The following DPP10 variants were observed in gnomAD, a reference collection of about 807,000 sequenced individuals.
DPP10 encodes the protein inactive dipeptidyl peptidase 10.
Under a neutral mutation model 120.9 loss-of-function variants are expected in DPP10, and 33 were observed. The observed-to-expected ratio is 0.27, with a 90% CI of 0.21 to 0.37. The LOEUF (loss-of-function observed/expected upper bound fraction) is 0.37. Ranked by LOEUF, DPP10 falls within the 10% of genes least tolerant of loss-of-function variation. DPP10 has a pLI of 1.00. For synonymous variants in DPP10, 337 were observed against 326.1 expected, an observed-to-expected ratio of 1.03 and a Z score of -0.36; for missense variants, 816 against 942.8, an observed-to-expected ratio of 0.87 and a Z score of 1.76.
intron 1 of DPP10, among the ~76,000 whole-genome samples, chr2:114,610,365 T>C (rs1322959777): frequency 1.3e-5 from 2 of 152,118 alleles, no homozygotes; most frequent in Admixed American, 6.6e-5. Context: ...GGGGAACGGA[T>C]ATCCTAATGT....
intron 1 of DPP10, among the ~76,000 whole-genome samples, chr2:114,456,762 G>T (rs556657100): frequency 6.6e-6 from 1 of 152,156 alleles, no homozygotes; most frequent in Admixed American, 6.5e-5. Context: ...ATTTTTCCCA[G>T]TAATTAAAAT....
intron 1 of DPP10, among the ~76,000 whole-genome samples, chr2:115,101,803 CAT>C (rs1029873936): frequency 1.2e-4 from 18 of 152,224 alleles, no homozygotes; most frequent in African/African-American, 4.1e-4. Context: ...CTAGGCCACA[CAT>C]GTTTTTCCAA....
chr2:114,703,695 C>T (rs1372980585), intron 1 of DPP10, among the ~76,000 whole-genome samples: 2 of 152,076 alleles, frequency 1.3e-5, no homozygotes, highest in African/African-American at 4.8e-5. Context: ...GATAAGTATA[C>T]CAAATCTGAA....
chr2:114,844,200 C>T (rs1190613179), intron 1 of DPP10, among the ~76,000 whole-genome samples: 1 of 152,070 alleles, frequency 6.6e-6, no homozygotes, highest in Non-Finnish European at 1.5e-5. Flanking sequence ...CCCTGGTATT[C>T]TGTGCACAAT....
chr2:115,497,953 A>C (rs2148779496), intron 3 of DPP10, among the ~76,000 whole-genome samples: 1 of 152,260 alleles, frequency 6.6e-6, no homozygotes, highest in South Asian at 2.1e-4. Flanking sequence ...TAATGATAAA[A>C]AAAAAAGAAC....
At chr2:115,802,068 T>C (rs1685312661) in intron 19 of DPP10, among the ~76,000 whole-genome samples, 1 of 152,118 alleles carries the variant, frequency 6.6e-6, no homozygotes, top group Non-Finnish European at 1.5e-5. Context: ...GGTCCTGGAC[T>C]TTTTTTGGTT....
At chr2:114,513,605 A>G (rs535412213) in intron 1 of DPP10, among the ~76,000 whole-genome samples, 40 of 147,368 alleles carry the variant, frequency 2.7e-4, no homozygotes, top group African/African-American at 1.0e-3. Context: ...AAAACAGAAG[A>G]AAGGAAGGAA....
At chr2:115,813,384 A>G (rs1399225331) in intron 19 of DPP10, among the ~76,000 whole-genome samples, 2 of 152,144 alleles carry the variant, frequency 1.3e-5, no homozygotes, top group Non-Finnish European at 2.9e-5. Flanking sequence ...TTCATATGGT[A>G]GTCCCACTGT....
intron 8 of DPP10, 96 bp downstream of exon 8, chr2:115,728,032 A>G: frequency 7.3e-7 from 1 of 1,366,300 alleles, no homozygotes; most frequent in South Asian, 1.4e-5. Context: ...CAATACTTAC[A>G]GTACAGTTTC....
intron 1 of DPP10, among the ~76,000 whole-genome samples, chr2:114,537,320 C>G (rs1686585787): frequency 6.6e-6 from 1 of 151,874 alleles, no homozygotes; most frequent in Non-Finnish European, 1.5e-5. Flanking sequence ...AAACCGATTA[C>G]AGAGATAAAA....
At chr2:115,639,994 G>T (rs1288765879) in intron 5 of DPP10, among the ~76,000 whole-genome samples, 2 of 150,568 alleles carry the variant, frequency 1.3e-5, no homozygotes, top group Admixed American at 1.3e-4. Flanking sequence ...ATAAAATTCA[G>T]GCTGGAGATG....
chr2:114,662,187 G>C (rs1038398070), intron 1 of DPP10, among the ~76,000 whole-genome samples: 2 of 152,164 alleles, frequency 1.3e-5, no homozygotes, highest in Non-Finnish European at 2.9e-5. Context: ...TGGAGGCTCC[G>C]AGGGGGAGCG....
intron 1 of DPP10, among the ~76,000 whole-genome samples, chr2:114,951,326 T>A (rs2104644190): frequency 6.6e-6 from 1 of 152,338 alleles, no homozygotes; most frequent in East Asian, 1.9e-4. Context: ...TTATTATATT[T>A]GGTTCTTGTA....
At chr2:114,910,608 G>C (rs1281978976) in intron 1 of DPP10, among the ~76,000 whole-genome samples, 1 of 151,802 alleles carries the variant, frequency 6.6e-6, no homozygotes, top group Non-Finnish European at 1.5e-5. Context: ...GCCTTATTTT[G>C]TGCCTAGAAC....
intron 5 of DPP10, among the ~76,000 whole-genome samples, chr2:115,683,680 A>G (rs530736607): frequency 1.3e-5 from 2 of 152,012 alleles, no homozygotes; most frequent in African/African-American, 4.8e-5. Context: ...TTTTTAAAAC[A>G]TAAAATAAAA....
At chr2:115,197,978 T>G (rs2055410446) in intron 1 of DPP10, among the ~76,000 whole-genome samples, 1 of 152,220 alleles carries the variant, frequency 6.6e-6, no homozygotes, top group Non-Finnish European at 1.5e-5. Flanking sequence ...CACTGTGATT[T>G]GTAATAGCAG....
Position 115,061,703 on chromosome 2 carries a change from T to C in DPP10, c.61-247536T>C, listed in dbSNP as rs149097058. 3.6e-3 allele frequency among the ~76,000 whole-genome samples: 555 copies of C among 152,276 alleles called. 5 individuals carry two copies. Among genetic ancestry groups the C allele is most frequent in the African/African-American group, 0.013 (531 of 41,566 alleles). On this transcript the variant is annotated intron_variant, in intron 1 of 25. Coordinates refer to ENST00000410059, the MANE Select transcript of DPP10 (RefSeq NM_020868.6). ...CCCTCTAATAAGTGCTTTATGTAAA[T>C]TGATTCATTTACTCCTTCCAAAGAT...
intron 2 of DPP10, among the ~76,000 whole-genome samples, chr2:115,314,667 A>G (rs1044525074): frequency 6.6e-6 from 1 of 152,148 alleles, no homozygotes; most frequent in Admixed American, 6.6e-5. Context: ...ATTTTAAACT[A>G]ATTTCATAGG....
chr2:115,642,583 C>T (rs909583551), intron 5 of DPP10, among the ~76,000 whole-genome samples: 2 of 152,210 alleles, frequency 1.3e-5, no homozygotes, highest in Non-Finnish European at 1.5e-5. Context: ...CTTCCTCTCT[C>T]TCCTTCTCTT....
Sources: allele counts gnomAD v4.1 joint callset (sites outside exome capture counted in the v4.1 genomes callset), GRCh38; gene constraint gnomAD v4.1.1; transcripts MANE v1.5; gene names NCBI Gene and HGNC (gene_info 2026-07-23, HGNC 2026-07-21).